Variants in MYO5B observed in about 807,000 individuals in gnomAD.
MYO5B encodes the protein unconventional myosin-Vb.
A neutral mutation model predicts 229.3 loss-of-function variants in MYO5B; 143 were observed. The observed-to-expected ratio is 0.62, with a 90% CI of 0.54 to 0.72. MYO5B has a LOEUF of 0.72. MYO5B is among the 30% of genes least tolerant of loss of function. MYO5B has a pLI of 0.00. For synonymous variants in MYO5B, 918 were observed against 885.2 expected (o/e 1.04, Z -0.66); for missense variants, 2,321 against 2,331.0 (o/e 1.00, Z 0.09).
chr18:49,843,753 G>A (rs2024091690), intron 33 of MYO5B, among the ~76,000 whole-genome samples: 1 of 152,248 alleles, frequency 6.6e-6, no homozygotes, highest in Non-Finnish European at 1.5e-5. Flanking sequence ...CAAGTGGAAG[G>A]CTGAGGACAG....
chr18:50,126,027 G>T (rs1389580217), intron 1 of MYO5B, among the ~76,000 whole-genome samples: 2 of 152,178 alleles, frequency 1.3e-5, no homozygotes, highest in African/African-American at 4.8e-5. Flanking sequence ...TGGGTGCAGA[G>T]ATTCTGTTTA....
intron 16 of MYO5B, 127 bp downstream of exon 16, chr18:49,936,125 T>A: frequency 1.3e-6 from 1 of 777,264 alleles, no homozygotes; most frequent in Non-Finnish European, 2.2e-6. Flanking sequence ...GTAAGATGTC[T>A]GGGGAGTGTA....
In MYO5B at chr18:49,974,555, C is replaced by T. The variant is rs1343286903; in HGVS notation, c.1117G>A (p.Glu373Lys). The change falls in exon 10 of 40, where the codon GAG (glutamate) becomes AAG (lysine). Residue 373 changes from glutamate to lysine, a missense_variant. Around this residue, in one of 2 missense-constraint regions of MYO5B, gnomAD observed 2,113 missense variants for 2,044.7 expected, o/e 1.03. Coordinates refer to ENST00000285039, the MANE Select transcript of MYO5B (RefSeq NM_001080467.3). The part of the protein sequence containing the change: ...RLLGVEHSQM[E>K]HWLCHRKLVT... ...AGCTTGCGATGACACAGCCAGTGCT[C>T]CATCTGACTGTGCTCCACCCCTAGC... 1 of 1,614,086 alleles carries T rather than the reference C, an allele frequency of 6.2e-7. No homozygotes were observed. The highest frequency in any genetic ancestry group is 8.5e-7 in the Non-Finnish European group (1 of 1,179,982).
At chr18:49,876,815 G>A (rs1462006480) in intron 25 of MYO5B, among the ~76,000 whole-genome samples, 1 of 152,202 alleles carries the variant, frequency 6.6e-6, no homozygotes, top group Non-Finnish European at 1.5e-5. Context: ...ACAACAGAGA[G>A]GAGACCTTCA....
At chr18:49,845,463 T>G (rs1036566687) in intron 33 of MYO5B, among the ~76,000 whole-genome samples, 9 of 152,246 alleles carry the variant, frequency 5.9e-5, no homozygotes, top group Non-Finnish European at 1.0e-4. Flanking sequence ...TTCTCTAAAA[T>G]AATGCTTGCC....
At chr18:49,920,334 A>G (rs567040997) in intron 17 of MYO5B, among the ~76,000 whole-genome samples, 2 of 152,298 alleles carry the variant, frequency 1.3e-5, no homozygotes, top group South Asian at 4.1e-4. Context: ...GATGATGAAA[A>G]CATAAGAGGT....
At position 49,962,269 on chromosome 18, in the gene MYO5B, A is replaced by G. The variant is rs2025568212; in HGVS notation, c.1542T>C (p.Cys514=). Residue 514 remains cysteine (C), a synonymous_variant, in exon 12 of 40, where the codon TGT becomes TGC. Coordinates refer to ENST00000285039, the MANE Select transcript of MYO5B (RefSeq NM_001080467.3). ...TAATTTGCATCATCAGTTTTACCTTACATTCTTCATCCAACAGGTCCAAGA... is the reference window on the plus strand; with the variant it reads ...TAATTTGCATCATCAGTTTTACCTTGCATTCTTCATCCAACAGGTCCAAGA... ...LGILDLLDEE[C]KVPKGTDQNW... 1 of 1,614,064 alleles carries G rather than the reference A, an allele frequency of 6.2e-7. No homozygotes were observed. Among genetic ancestry groups the G allele is most frequent in the South Asian group, 1.1e-5 (1 of 91,080 alleles).
At position 49,837,764 on chromosome 18, in the gene MYO5B, A is replaced by G. The variant is rs889378145; in HGVS notation, c.4891T>C (p.Ser1631Pro). The G allele has an allele frequency of 6.2e-7, 1 of 1,614,196 alleles. No individual in the cohort carries two copies. Residue 1631 changes from serine to proline, a missense_variant, in exon 37 of 40, where the codon TCT becomes CCT. Ser to Pro is a moderately conservative substitution (Grantham distance 74). Transcript: ENST00000285039. ...MLENESIQGL[S>P]GVKPTGYRKR... ...CGGTAGCCGGTGGGCTTCACACCAG[A>G]TAGACCCTGAATGCTCTCATTTTCC...
chr18:49,906,347 G>T, intron 19 of MYO5B, 72 bp downstream of exon 19: 1 of 1,453,422 alleles, frequency 6.9e-7, no homozygotes. Context: ...GAGAAGCCAA[G>T]TAGCTGAGAA....
chr18:50,006,959 C>T (rs1476843441), intron 4 of MYO5B, among the ~76,000 whole-genome samples: 1 of 152,218 alleles, frequency 6.6e-6, no homozygotes, highest in East Asian at 1.9e-4. Flanking sequence ...CTACTCAAAG[C>T]ATCTCAGAGA....
At chr18:50,115,533 C>CAT (rs1319363511) in intron 1 of MYO5B, among the ~76,000 whole-genome samples, 1 of 67,414 alleles carries the variant, frequency 1.5e-5, no homozygotes, top group Non-Finnish European at 3.3e-5. Context: ...AACACACACA[C>CAT]ACACACACAG....
chr18:50,077,276 T>G (rs1280596507), intron 1 of MYO5B, among the ~76,000 whole-genome samples: 1 of 151,876 alleles, frequency 6.6e-6, no homozygotes, highest in South Asian at 2.1e-4. Context: ...GTCTGCTCTA[T>G]GCGTTCAAGT....
chr18:49,904,664 C>T lies in MYO5B; in HGVS notation c.2571+8G>A, dbSNP rs1432489109. ...TGCAGCCCTGAGGCCCTCAGAGTGGCTACTCACCTGGCGGTAGGTTCTCCG... is the reference window on the plus strand; with the variant it reads ...TGCAGCCCTGAGGCCCTCAGAGTGGTTACTCACCTGGCGGTAGGTTCTCCG... On this transcript the variant is annotated splice_region_variant and intron_variant, in intron 20 of 39. Coordinates refer to ENST00000285039, the MANE Select transcript of MYO5B (RefSeq NM_001080467.3). 2 of 1,613,592 alleles carry T rather than the reference C, an allele frequency of 1.2e-6. No individual in the cohort carries two copies.
chr18:50,007,049 C>A (rs1398574224), intron 4 of MYO5B, among the ~76,000 whole-genome samples: 1 of 152,152 alleles, frequency 6.6e-6, no homozygotes, highest in African/African-American at 2.4e-5. Flanking sequence ...GGCCAAGTGT[C>A]CCGCTGCAGA....
chr18:50,180,189 G>C (rs558422648), intron 1 of MYO5B, among the ~76,000 whole-genome samples: 28 of 152,282 alleles, frequency 1.8e-4, no homozygotes, highest in African/African-American at 6.5e-4. Flanking sequence ...TGAGGAGCTG[G>C]AGCCAGTGAT....
At chr18:50,182,696 G>C (rs2033089773) in intron 1 of MYO5B, among the ~76,000 whole-genome samples, 1 of 152,238 alleles carries the variant, frequency 6.6e-6, no homozygotes, top group South Asian at 2.1e-4. Context: ...GCAAGTGCCA[G>C]AGGAAACAGA....
chr18:49,934,581 G>A (rs1256416985), intron 16 of MYO5B, among the ~76,000 whole-genome samples: 1 of 152,186 alleles, frequency 6.6e-6, no homozygotes, highest in Non-Finnish European at 1.5e-5. Flanking sequence ...CCTCTCCCCT[G>A]GGCCCTGCAC....
At chr18:49,933,801 TG>T (rs2025219983) in intron 16 of MYO5B, among the ~76,000 whole-genome samples, 1 of 152,238 alleles carries the variant, frequency 6.6e-6, no homozygotes, top group African/African-American at 2.4e-5. Flanking sequence ...TCTAGGATGA[TG>T]TAACTAATAA....
chr18:50,104,265 G>GATATATATATATATATAT (rs3075606), intron 1 of MYO5B, among the ~76,000 whole-genome samples: 88 of 134,528 alleles, frequency 6.5e-4, no homozygotes, highest in African/African-American at 1.9e-3. Context: ...ATCTATACAT[G>GATATATATATATATATAT]ATATATATAT....
Sources: allele counts gnomAD v4.1 joint callset (sites outside exome capture counted in the v4.1 genomes callset), GRCh38; gene constraint gnomAD v4.1.1; regional missense constraint gnomAD v4.1.1; transcripts MANE v1.5; gene names NCBI Gene and HGNC (gene_info 2026-07-23, HGNC 2026-07-21).